ATF2: variants seen among roughly 807,000 people sequenced by gnomAD.
ATF2 encodes the protein activating transcription factor 2, also known as cyclic AMP-dependent transcription factor ATF-2.
In ATF2, 24 loss-of-function variants were observed where a neutral mutation model predicts 60.6. The ratio of observed to expected loss-of-function variants is 0.40; its 90% CI spans 0.29 to 0.56. The LOEUF (loss-of-function observed/expected upper bound fraction) is 0.56. ATF2 is among the 20% of genes least tolerant of loss of function. The pLI, the probability that ATF2 is intolerant of heterozygous loss-of-function variation, is 0.54. For synonymous variants in ATF2, 206 were observed against 215.4 expected, an observed-to-expected ratio of 0.96 and a Z score of 0.38; for missense variants, 433 against 607.7, an observed-to-expected ratio of 0.71 and a Z score of 3.02.
chr2:175,148,078 A>T (rs1336692505), intron 2 of ATF2: 1 of 41,398 alleles, frequency 2.4e-5, no homozygotes, highest in Admixed American at 2.8e-4. Context: ...TCTTACTGAT[A>T]AAAAAAAAAA....
intron 10 of ATF2, among the ~76,000 whole-genome samples, chr2:175,107,535 C>T (rs1486558835): frequency 7.0e-6 from 1 of 142,316 alleles, no homozygotes; most frequent in Non-Finnish European, 1.5e-5. Context: ...CCCTCTCCCT[C>T]TCCCTCTCCC....
At chr2:175,089,158 G>T (rs910818376) in intron 12 of ATF2, among the ~76,000 whole-genome samples, 2 of 148,506 alleles carry the variant, frequency 1.3e-5, no homozygotes, top group African/African-American at 5.0e-5. Context: ...CTAGCCTGGG[G>T]AATAAGAGCA....
chr2:175,075,288 C>A (rs1265717907), intron 13 of ATF2, among the ~76,000 whole-genome samples: 1 of 152,144 alleles, frequency 6.6e-6, no homozygotes, highest in South Asian at 2.1e-4. Context: ...ATTATTCCCT[C>A]TGCATTCTCC....
intron 11 of ATF2, among the ~76,000 whole-genome samples, chr2:175,094,330 G>T (rs1242886169): frequency 1.4e-5 from 2 of 146,520 alleles, no homozygotes; most frequent in South Asian, 4.5e-4. Context: ...GGAGGCAGAG[G>T]TTGCAGTGAG....
rs558590613 is a variant in ATF2, at chr2:175,123,463, C to A, written c.103-1923G>T. Among the ~76,000 whole-genome samples the A allele has an allele frequency of 2.6e-5, 4 of 152,086 alleles. No individual in the cohort carries two copies. In the South Asian group the frequency reaches 8.3e-4, roughly 31 times the overall value. On this transcript the variant is annotated intron_variant, in intron 4 of 13. Transcript: ENST00000264110. ...CCAGATTTTAAAACTGCAAACTCAA[C>A]AAATTAATAGATAAGAAGTTGGAAT...
At chr2:175,124,678 C>T (rs1459588440) in intron 4 of ATF2, among the ~76,000 whole-genome samples, 13 of 151,522 alleles carry the variant, frequency 8.6e-5, no homozygotes, top group African/African-American at 2.7e-4. Context: ...TGCACACACA[C>T]GCACACACTC....
chr2:175,079,486 T>C (rs1265569357), intron 13 of ATF2, among the ~76,000 whole-genome samples: 2 of 152,144 alleles, frequency 1.3e-5, no homozygotes, highest in Non-Finnish European at 2.9e-5. Context: ...TATTTCTATA[T>C]GGTTCCAATT....
At chr2:175,108,023 C>G (rs1243933541) in intron 10 of ATF2, among the ~76,000 whole-genome samples, 1 of 151,586 alleles carries the variant, frequency 6.6e-6, no homozygotes, top group Non-Finnish European at 1.5e-5. Flanking sequence ...TCTGCCTGGC[C>G]GCCCATCGTC....
At chr2:175,096,912 A>C (rs1197173858) in intron 11 of ATF2, among the ~76,000 whole-genome samples, 1 of 152,188 alleles carries the variant, frequency 6.6e-6, no homozygotes, top group Non-Finnish European at 1.5e-5. Flanking sequence ...TACATAGGAG[A>C]ACAGTTCAAA....
At chr2:175,108,040 G>A (rs988150055) in intron 10 of ATF2, among the ~76,000 whole-genome samples, 4 of 151,982 alleles carry the variant, frequency 2.6e-5, no homozygotes, top group Admixed American at 2.6e-4. Context: ...CGTCTGGGAT[G>A]TGAGGAGCCC....
At chr2:175,114,995 C>A in intron 7 of ATF2, 127 bp from the exon 8 acceptor site, 1 of 737,884 alleles carries the variant, frequency 1.4e-6, no homozygotes, top group Non-Finnish European at 2.0e-6. Context: ...ATTAATATCT[C>A]AAATTAATTA....
chr2:175,096,591 CAG>C (rs1694952914), intron 11 of ATF2, among the ~76,000 whole-genome samples: 1 of 152,048 alleles, frequency 6.6e-6, no homozygotes, highest in African/African-American at 2.4e-5. Context: ...GTAACGGAAA[CAG>C]AAAAAACATC....
At chr2:175,140,125 A>T (rs1698403520) in intron 2 of ATF2, among the ~76,000 whole-genome samples, 1 of 152,232 alleles carries the variant, frequency 6.6e-6, no homozygotes, top group African/African-American at 2.4e-5. Context: ...GTCACTGCAC[A>T]GATACACATA....
Position 175,074,696 on chromosome 2 carries a change from G to A in ATF2, c.1431C>T (p.Leu477=). Residue 477 remains leucine (L), a synonymous_variant, in exon 14 of 14, where the codon CTC becomes CTT. Coordinates refer to ENST00000264110, the MANE Select transcript of ATF2 (RefSeq NM_001880.4). The part of the protein sequence containing the change: ...SKAEAVATSV[L]TQMADQSTEP... ...CTGTACTCTGGTCCGCCATCTGGGTGAGGACTGAAGTGGCTACAGCTTCTG... is the reference window on the plus strand; with the variant it reads ...CTGTACTCTGGTCCGCCATCTGGGTAAGGACTGAAGTGGCTACAGCTTCTG... The A allele has an allele frequency of 6.2e-7, 1 of 1,613,496 alleles. No individual in the cohort carries two copies. Among genetic ancestry groups the A allele is most frequent in the South Asian group, 1.1e-5 (1 of 91,070 alleles).
At chr2:175,164,917 C>G (rs1334625803) in intron 1 of ATF2, among the ~76,000 whole-genome samples, 3 of 152,218 alleles carry the variant, frequency 2.0e-5, no homozygotes, top group African/African-American at 7.2e-5. Flanking sequence ...AGTGCAGTGG[C>G]ACGATCGGCT....
intron 2 of ATF2, among the ~76,000 whole-genome samples, chr2:175,145,456 A>G (rs966529610): frequency 2.0e-5 from 3 of 152,168 alleles, no homozygotes; most frequent in African/African-American, 7.2e-5. Context: ...GCCTTCTGCC[A>G]TGAGTAAATG....
intron 1 of ATF2, among the ~76,000 whole-genome samples, chr2:175,161,391 T>C (rs1700018784): frequency 6.6e-6 from 1 of 152,222 alleles, no homozygotes; most frequent in Non-Finnish European, 1.5e-5. Flanking sequence ...TGAGTACTCA[T>C]TAAGTTCTTG....
intron 2 of ATF2, among the ~76,000 whole-genome samples, chr2:175,139,010 A>G (rs777685615): frequency 3.9e-4 from 59 of 152,358 alleles, no homozygotes; most frequent in Non-Finnish European, 7.2e-4. Context: ...TTCACCAACT[A>G]TAATACAAGG....
At chr2:175,140,317 C>T (rs1698415880) in intron 2 of ATF2, among the ~76,000 whole-genome samples, 1 of 152,164 alleles carries the variant, frequency 6.6e-6, no homozygotes, top group Non-Finnish European at 1.5e-5. Context: ...AAGAGATTTT[C>T]TTGAAAACTA....
Sources: gnomAD v4.1 joint callset for allele counts (sites outside exome capture counted in the v4.1 genomes callset) on GRCh38, gnomAD v4.1.1 for gene constraint, MANE v1.5 for transcripts, NCBI Gene and HGNC (gene_info 2026-07-23, HGNC 2026-07-21) for gene names.